Variants in SPATA45 observed in about 807,000 individuals in gnomAD.
SPATA45 encodes the protein spermatogenesis-associated protein 45.
SPATA45 carries 5 observed loss-of-function variants against 7.0 expected under a neutral mutation model. The observed-to-expected ratio is 0.71, with a 90% confidence interval of 0.37 to 1.50. SPATA45 has a LOEUF of 1.50. Among genes scored for constraint, SPATA45 ranks in the 40% most tolerant of loss-of-function variants. The pLI, the probability that SPATA45 is intolerant of heterozygous loss-of-function variation, is 0.03. For synonymous variants in SPATA45, 40 were observed against 38.7 expected, an observed-to-expected ratio of 1.03 and a Z score of -0.13; for missense variants, 111 against 114.9, an observed-to-expected ratio of 0.97 and a Z score of 0.16.
intron 1 of SPATA45, 93 bp from the exon 2 acceptor site, chr1:212,836,280 A>G (rs936349651): frequency 2.7e-5 from 26 of 977,826 alleles, no homozygotes; most frequent in Non-Finnish European, 3.9e-5. Context: ...TTTGCCTTCT[A>G]TAAAATAACA....
intron 2 of SPATA45, among the ~76,000 whole-genome samples, chr1:212,834,917 A>G (rs1291640528): frequency 6.6e-6 from 1 of 151,498 alleles, no homozygotes; most frequent in Non-Finnish European, 1.5e-5. Flanking sequence ...ACTCTTATCA[A>G]AATGTGGTTC....
At chr1:212,835,393 G>A (rs971451739) in intron 2 of SPATA45, among the ~76,000 whole-genome samples, 1 of 151,442 alleles carries the variant, frequency 6.6e-6, no homozygotes, top group Non-Finnish European at 1.5e-5. Context: ...AGACTTCGTG[G>A]TGCATGCCTG....
chr1:212,840,574 C>T (rs545756465), intron 1 of SPATA45, among the ~76,000 whole-genome samples: 1 of 152,030 alleles, frequency 6.6e-6, no homozygotes, highest in African/African-American at 2.4e-5. Context: ...AGGCGCACCA[C>T]CATGCCCAGC....
In SPATA45 at chr1:212,830,901, T is replaced by C. The variant is rs1663474640; in HGVS notation, c.278-640A>G. On this transcript the variant is annotated intron_variant, in intron 2 of 2. Coordinates refer to ENST00000332912, the MANE Select transcript of SPATA45 (RefSeq NM_001024601.3). ...GGAGGCTGAGGCAGGAGAAATCAGT[T>C]GAACCCGGGAGGTGGAGGTTGCAGT... Among the ~76,000 whole-genome samples, 3 of 149,800 alleles carry C rather than the reference T, an allele frequency of 2.0e-5. No individual in the cohort carries two copies. In the South Asian group the frequency reaches 6.4e-4, roughly 32 times the overall value.
chr1:212,841,703 CA>C (rs1168358861), intron 1 of SPATA45, among the ~76,000 whole-genome samples: 2 of 146,560 alleles, frequency 1.4e-5, no homozygotes, highest in Non-Finnish European at 3.0e-5. Flanking sequence ...CACTCCCTCT[CA>C]AAAAAATAAA....
intron 1 of SPATA45, among the ~76,000 whole-genome samples, chr1:212,838,301 C>CA (rs1663622591): frequency 1.9e-5 from 1 of 51,980 alleles, no homozygotes; most frequent in Non-Finnish European, 4.3e-5. Flanking sequence ...AGGACTTTGT[C>CA]TAAAAAAAAA....
chr1:212,838,691 C>T (rs1275592160), intron 1 of SPATA45, among the ~76,000 whole-genome samples: 1 of 151,340 alleles, frequency 6.6e-6, no homozygotes, highest in Admixed American at 6.6e-5. Context: ...GTTGTTTTTA[C>T]ACAGCTTTAT....
intron 1 of SPATA45, among the ~76,000 whole-genome samples, chr1:212,842,797 AC>A (rs1443302062): frequency 6.6e-6 from 1 of 151,470 alleles, no homozygotes; most frequent in Non-Finnish European, 1.5e-5. Flanking sequence ...ACATGGTGAA[AC>A]CCTGTCTCGG....
intron 2 of SPATA45, among the ~76,000 whole-genome samples, chr1:212,833,267 A>G (rs1423549869): frequency 6.6e-6 from 1 of 151,530 alleles, no homozygotes; most frequent in Admixed American, 6.6e-5. Flanking sequence ...AGTCCATTAT[A>G]TAATTCCTAT....
At chr1:212,840,099 AT>A (rs938510775) in intron 1 of SPATA45, among the ~76,000 whole-genome samples, 8 of 151,546 alleles carry the variant, frequency 5.3e-5, no homozygotes, top group South Asian at 2.1e-4. Context: ...TGAATTTATA[AT>A]TTTTTTTCTT....
rs1479489372 is a variant in SPATA45, at chr1:212,843,094, CAAACAT to C, written c.-39+4480_-39+4485del. On this transcript the variant is annotated intron_variant, in intron 1 of 2. Coordinates refer to ENST00000332912, the MANE Select transcript of SPATA45 (RefSeq NM_001024601.3). Reference sequence around the variant, plus strand: ...CCTGGGCAACAGAGCAAGACTCCGTCAAACATACACACACACACACACACACACACA... The same window carrying C: ...CCTGGGCAACAGAGCAAGACTCCGTCACACACACACACACACACACACACA... 1.9e-3 allele frequency among the ~76,000 whole-genome samples: 191 copies of C among 100,980 alleles called. 3 individuals carry two copies. In the East Asian group the frequency reaches 0.023, roughly 12 times the overall value. The allele number at this position is 100,980 out of a possible 152,430, so 66.2% of individuals were successfully genotyped here. A position where few individuals can be genotyped will look rare whatever the true frequency, so the allele number is the denominator to read the frequency against.
intron 2 of SPATA45, among the ~76,000 whole-genome samples, chr1:212,831,485 A>C (rs527687811): frequency 4.0e-5 from 6 of 151,278 alleles, no homozygotes; most frequent in Middle Eastern, 6.8e-3. Flanking sequence ...AAAAAAAAAA[A>C]AAAAACCTCA....
At chr1:212,835,477 C>T (rs10399914) in intron 2 of SPATA45, among the ~76,000 whole-genome samples, 6 of 151,312 alleles carry the variant, frequency 4.0e-5, no homozygotes, top group South Asian at 4.2e-4. Flanking sequence ...AAGCTGAGAT[C>T]GTGCCATTGC....
Position 212,839,903 on chromosome 1 carries a change from C to G in SPATA45, c.-38-3716G>C, listed in dbSNP as rs938159381. 5.3e-5 allele frequency among the ~76,000 whole-genome samples: 8 copies of G among 151,448 alleles called. 1 individual carries two copies. The highest frequency in any genetic ancestry group is 9.7e-5 in the African/African-American group (4 of 41,310). On this transcript the variant is annotated intron_variant, in intron 1 of 2. Transcript: ENST00000332912. ...TCTTACATAAAATTGGGCTGAGTAC[C>G]TAGCACATTGCCTAATGAATATCAG...
chr1:212,837,301 G>A (rs1041478619), intron 1 of SPATA45, among the ~76,000 whole-genome samples: 1 of 151,550 alleles, frequency 6.6e-6, no homozygotes, highest in Non-Finnish European at 1.5e-5. Context: ...AATATTTTGG[G>A]TGTTACTTTC....
At chr1:212,837,806 C>A (rs943374377) in intron 1 of SPATA45, among the ~76,000 whole-genome samples, 1 of 151,486 alleles carries the variant, frequency 6.6e-6, no homozygotes, top group South Asian at 2.1e-4. Flanking sequence ...GGAAAGATAG[C>A]GAAATATTCA....
rs555477235 is a variant in SPATA45 at position 212,845,951 on chromosome 1, G to A, written c.-39+1629C>T. 8.3e-4 allele frequency among the ~76,000 whole-genome samples: 126 copies of A among 152,204 alleles called. No homozygotes were observed. In the Middle Eastern group the frequency reaches 0.017, roughly 21 times the overall value. ...ATATGACAACATAAAAAAACTCAAG[G>A]ATAGAGCCCAAAAACTCACCAACCA... On this transcript the variant is annotated intron_variant, in intron 1 of 2. Coordinates refer to ENST00000332912, the MANE Select transcript of SPATA45 (RefSeq NM_001024601.3).
chr1:212,840,529 C>T (rs973356217), intron 1 of SPATA45, among the ~76,000 whole-genome samples: 1 of 152,120 alleles, frequency 6.6e-6, no homozygotes, highest in Non-Finnish European at 1.5e-5. Context: ...AAGCGATTCT[C>T]GTGCCTCAGC....
chr1:212,842,881 G>A (rs1406233248), intron 1 of SPATA45, among the ~76,000 whole-genome samples: 1 of 149,950 alleles, frequency 6.7e-6, no homozygotes, highest in Non-Finnish European at 1.5e-5. Flanking sequence ...TAGGTCAGGA[G>A]ATCAAGACCA....
Sources: allele counts gnomAD v4.1 joint callset (sites outside exome capture counted in the v4.1 genomes callset), GRCh38; gene constraint gnomAD v4.1.1; transcripts MANE v1.5; gene names NCBI Gene and HGNC (gene_info 2026-07-23, HGNC 2026-07-21).